Variants in NELL1 observed in about 807,000 individuals in gnomAD.
The protein encoded by NELL1 is protein kinase C-binding protein NELL1.
In NELL1, 76 loss-of-function variants were observed where a neutral mutation model predicts 107.4. The ratio of observed to expected loss-of-function variants is 0.71; its 90% confidence interval spans 0.59 to 0.86. NELL1 has a LOEUF of 0.86. NELL1 is among the 40% of genes least tolerant of loss of function. NELL1 has a pLI of 0.00. For missense variants in NELL1, 1,024 were observed against 1,005.5 expected (o/e 1.02, Z -0.25); for synonymous variants, 353 against 341.2 (o/e 1.03, Z -0.38).
intron 13 of NELL1, among the ~76,000 whole-genome samples, chr11:21,214,364 C>G (rs956093802): frequency 2.0e-5 from 3 of 152,076 alleles, no homozygotes; most frequent in African/African-American, 7.2e-5. Flanking sequence ...AGTAAAAAAT[C>G]AATCCAGTTA....
chr11:21,110,330 A>G (rs566932742), intron 12 of NELL1, among the ~76,000 whole-genome samples: 3 of 152,292 alleles, frequency 2.0e-5, no homozygotes, highest in Admixed American at 2.0e-4. Context: ...AATGACATGT[A>G]GAGAGCAAGG....
intron 14 of NELL1, among the ~76,000 whole-genome samples, chr11:21,243,174 A>G (rs878959844): frequency 1.3e-5 from 2 of 152,166 alleles, no homozygotes; most frequent in African/African-American, 2.4e-5. Context: ...TCAAGTATTC[A>G]TATCTATTAA....
At chr11:20,676,002 G>A (rs1419744726) in intron 1 of NELL1, among the ~76,000 whole-genome samples, 2 of 152,066 alleles carry the variant, frequency 1.3e-5, no homozygotes, top group Non-Finnish European at 2.9e-5. Context: ...TCCTGCCTCA[G>A]CCTCCCAAAG....
At chr11:21,078,826 G>T (rs1177063297) in intron 12 of NELL1, among the ~76,000 whole-genome samples, 1 of 151,922 alleles carries the variant, frequency 6.6e-6, no homozygotes, top group Non-Finnish European at 1.5e-5. Flanking sequence ...CACCACATCA[G>T]GTACAAGCAA....
At chr11:21,482,302 A>G (rs549824356) in intron 15 of NELL1, among the ~76,000 whole-genome samples, 3 of 152,214 alleles carry the variant, frequency 2.0e-5, no homozygotes, top group South Asian at 4.1e-4. Context: ...GTCATTCCCC[A>G]AAAGTTCTGG....
intron 4 of NELL1, 141 bp downstream of exon 4, chr11:20,847,894 G>A: frequency 1.2e-6 from 1 of 827,986 alleles, no homozygotes; most frequent in South Asian, 1.8e-5. Context: ...TACCAAATGG[G>A]ACCTTAGGCA....
chr11:21,516,579 C>T (rs10766828), intron 15 of NELL1, among the ~76,000 whole-genome samples: 47,677 of 152,060 alleles, frequency 0.31, 8,816 homozygotes, highest in Non-Finnish European at 0.41. Context: ...CACACCTATA[C>T]AGCATGTTAC....
chr11:20,693,818 T>C (rs1338073875), intron 2 of NELL1, among the ~76,000 whole-genome samples: 1 of 152,150 alleles, frequency 6.6e-6, no homozygotes, highest in Non-Finnish European at 1.5e-5. Context: ...ATTTCCTGAA[T>C]CTGAATGTTG....
intron 17 of NELL1, among the ~76,000 whole-genome samples, chr11:21,564,542 G>A (rs1030984398): frequency 2.0e-5 from 3 of 151,896 alleles, no homozygotes; most frequent in Non-Finnish European, 4.4e-5. Context: ...ACTATTTTGA[G>A]TAGTAACTGG....
At chr11:21,529,011 A>G (rs1205043055) in intron 15 of NELL1, among the ~76,000 whole-genome samples, 1 of 151,878 alleles carries the variant, frequency 6.6e-6, no homozygotes, top group Non-Finnish European at 1.5e-5. Flanking sequence ...AGGGTCTCTC[A>G]TAATAATTAG....
At chr11:20,741,669 A>G (rs1196725474) in intron 2 of NELL1, among the ~76,000 whole-genome samples, 1 of 152,138 alleles carries the variant, frequency 6.6e-6, no homozygotes, top group South Asian at 2.1e-4. Context: ...GGGTACTTCA[A>G]AGAAAATGTA....
intron 12 of NELL1, among the ~76,000 whole-genome samples, chr11:21,096,908 G>A (rs1312858666): frequency 2.0e-5 from 3 of 151,796 alleles, no homozygotes; most frequent in Non-Finnish European, 4.4e-5. Flanking sequence ...TGTAGAGACG[G>A]GTTTTGTTGT....
intron 2 of NELL1, among the ~76,000 whole-genome samples, chr11:20,738,180 TG>T (rs770534546): frequency 9.9e-4 from 150 of 152,222 alleles, no homozygotes; most frequent in Non-Finnish European, 1.9e-3. Context: ...TGTGCACGTG[TG>T]TTTTCCAGGT....
At chr11:20,893,393 A>C (rs1170635988) in intron 5 of NELL1, among the ~76,000 whole-genome samples, 1 of 151,608 alleles carries the variant, frequency 6.6e-6, no homozygotes, top group Non-Finnish European at 1.5e-5. Context: ...TAAATAAAAA[A>C]ATAATTAAAA....
chr11:20,872,633 A>G (rs966518768), intron 4 of NELL1, among the ~76,000 whole-genome samples: 1 of 151,098 alleles, frequency 6.6e-6, no homozygotes, highest in African/African-American at 2.4e-5. Context: ...GTCAAAGAAT[A>G]CTAATCCCTG....
intron 14 of NELL1, among the ~76,000 whole-genome samples, chr11:21,365,265 G>C (rs1851193724): frequency 6.6e-6 from 1 of 152,176 alleles, no homozygotes; most frequent in Admixed American, 6.5e-5. Context: ...CCAACACCCA[G>C]TACATTATCT....
intron 12 of NELL1, among the ~76,000 whole-genome samples, chr11:21,062,200 A>C (rs907795269): frequency 1.3e-5 from 2 of 152,360 alleles, no homozygotes; most frequent in Admixed American, 1.3e-4. Flanking sequence ...AAAAAGTAAA[A>C]TCATTAATAA....
At chr11:20,957,739 A>G (rs1365299708) in intron 11 of NELL1, among the ~76,000 whole-genome samples, 3 of 152,136 alleles carry the variant, frequency 2.0e-5, no homozygotes, top group East Asian at 1.9e-4. Flanking sequence ...TTCTAAAAAT[A>G]AAAATACAGT....
intron 15 of NELL1, among the ~76,000 whole-genome samples, chr11:21,526,723 C>G (rs1591007211): frequency 6.6e-6 from 1 of 152,344 alleles, no homozygotes; most frequent in East Asian, 1.9e-4. Context: ...CTTGCCCCCT[C>G]TGAAACCATG....
Sources: gnomAD v4.1 joint callset for allele counts (sites outside exome capture counted in the v4.1 genomes callset) on GRCh38, gnomAD v4.1.1 for gene constraint, MANE v1.5 for transcripts, NCBI Gene and HGNC (gene_info 2026-07-23, HGNC 2026-07-21) for gene names.